OSBPL8: variants seen among roughly 807,000 people sequenced by gnomAD.
OSBPL8 encodes oxysterol binding protein like 8, also known as oxysterol-binding protein-related protein 8.
OSBPL8 carries 59 observed loss-of-function variants against 125.5 expected under a neutral mutation model. The ratio of observed to expected loss-of-function variants is 0.47; its 90% CI spans 0.38 to 0.58. The LOEUF (loss-of-function observed/expected upper bound fraction) is 0.58, where lower values mean the gene tolerates loss of function less well. Among genes scored for constraint, OSBPL8 ranks in the 20% least tolerant of loss-of-function variants. OSBPL8 has a pLI of 0.00. For synonymous variants in OSBPL8, 330 were observed against 338.9 expected (o/e 0.97, Z 0.29); for missense variants, 758 against 1,047.8 (o/e 0.72, Z 3.82).
Position 76,487,520 on chromosome 12 carries a change from T to A in OSBPL8, c.32A>T (p.Asp11Val), listed in dbSNP as rs1219581813. MEGGLADGEPDRTSLLGDSKD... is the reference protein window; with the variant it reads MEGGLADGEPVRTSLLGDSKD... The stretch of plus-strand genomic sequence containing the variant: ...ATATGAACTACTCACCGAAGTTCGA[T>A]CAGGTTCTCCATCTGCCAAACCTCC... Residue 11 changes from aspartate (D) to valine (V), a missense_variant, in exon 2 of 24, where the codon GAT (aspartate) becomes GTT (valine). Coordinates refer to ENST00000261183, the MANE Select transcript of OSBPL8 (RefSeq NM_020841.5). 6 of 1,605,114 alleles carry A rather than the reference T, an allele frequency of 3.7e-6. No homozygotes were observed. The highest frequency in any genetic ancestry group is 5.1e-6 in the Non-Finnish European group (6 of 1,176,404).
At chr12:76,424,621 T>C (rs1365534871) in intron 4 of OSBPL8, among the ~76,000 whole-genome samples, 2 of 152,204 alleles carry the variant, frequency 1.3e-5, no homozygotes, top group Non-Finnish European at 2.9e-5. Flanking sequence ...GTTTTATCTT[T>C]CCTAGAAATA....
At chr12:76,474,232 C>A (rs560088967) in intron 2 of OSBPL8, among the ~76,000 whole-genome samples, 2 of 151,842 alleles carry the variant, frequency 1.3e-5, no homozygotes, top group African/African-American at 4.8e-5. Context: ...AACGTCCAAC[C>A]AAATCTCCAC....
chr12:76,400,136 G>A (rs555005259), intron 6 of OSBPL8, among the ~76,000 whole-genome samples, 162 bp from the exon 7 acceptor site: 1 of 152,220 alleles, frequency 6.6e-6, no homozygotes, highest in Admixed American at 6.5e-5. Flanking sequence ...GTACCCATTA[G>A]TTACTTTTCC....
chr12:76,555,678 T>C (rs552478283), intron 1 of OSBPL8, among the ~76,000 whole-genome samples: 3 of 152,274 alleles, frequency 2.0e-5, no homozygotes, highest in African/African-American at 7.2e-5. Context: ...ATTTTACAAA[T>C]GAGAAAACTA....
At chr12:76,396,698 G>A (rs1260081693) in intron 8 of OSBPL8, among the ~76,000 whole-genome samples, 4 of 152,120 alleles carry the variant, frequency 2.6e-5, no homozygotes, top group African/African-American at 9.7e-5. Flanking sequence ...AGGCTGCAGT[G>A]AGCAATGATC....
intron 1 of OSBPL8, among the ~76,000 whole-genome samples, chr12:76,504,789 TTC>T (rs1880251409): frequency 6.6e-6 from 1 of 152,194 alleles, no homozygotes; most frequent in East Asian, 1.9e-4. Flanking sequence ...CCAGCTACTG[TTC>T]CAGAGGTCAC....
chr12:76,500,886 T>G (rs997783978), intron 1 of OSBPL8, among the ~76,000 whole-genome samples: 1 of 152,198 alleles, frequency 6.6e-6, no homozygotes, highest in South Asian at 2.1e-4. Flanking sequence ...CCTCACAAAG[T>G]CTGGCAAAGT....
At chr12:76,485,892 C>T (rs1878076744) in intron 2 of OSBPL8, 3 of 272,246 alleles carry the variant, frequency 1.1e-5, no homozygotes, top group South Asian at 7.3e-5. Flanking sequence ...CACTAGAAGA[C>T]CAAAAGTATT....
chr12:76,474,496 G>C (rs370419608), intron 2 of OSBPL8, among the ~76,000 whole-genome samples: 69 of 151,756 alleles, frequency 4.5e-4, no homozygotes, highest in African/African-American at 1.5e-3. Context: ...AATCTTTTTG[G>C]GGGGAGGCAG....
intron 18 of OSBPL8, 104 bp from the exon 19 acceptor site, chr12:76,371,688 G>T: frequency 9.5e-7 from 1 of 1,056,970 alleles, no homozygotes; most frequent in Non-Finnish European, 1.2e-6. Context: ...TAATCCTCCA[G>T]TTAAAAGCAT....
At chr12:76,442,308 T>C (rs1021920160) in intron 4 of OSBPL8, among the ~76,000 whole-genome samples, 1 of 152,162 alleles carries the variant, frequency 6.6e-6, no homozygotes, top group Non-Finnish European at 1.5e-5. Flanking sequence ...ACCATAACAT[T>C]TTATAAGAGA....
At chr12:76,501,623 T>A (rs1879909539) in intron 1 of OSBPL8, among the ~76,000 whole-genome samples, 1 of 152,216 alleles carries the variant, frequency 6.6e-6, no homozygotes, top group Admixed American at 6.5e-5. Context: ...AGTGGGCTCA[T>A]GAACAAAGTA....
chr12:76,512,712 T>A (rs1881126074), intron 1 of OSBPL8, among the ~76,000 whole-genome samples: 1 of 152,202 alleles, frequency 6.6e-6, no homozygotes, highest in Non-Finnish European at 1.5e-5. Context: ...TTTTTTCTAG[T>A]TCTGTGAAGA....
intron 21 of OSBPL8, among the ~76,000 whole-genome samples, chr12:76,368,094 G>A (rs1952486929): frequency 6.6e-6 from 1 of 151,872 alleles, no homozygotes; most frequent in African/African-American, 2.4e-5. Context: ...TTTTTTGTAG[G>A]GCAGGTCTAG....
chr12:76,410,241 AT>A (rs531050908), intron 5 of OSBPL8, among the ~76,000 whole-genome samples: 11 of 150,554 alleles, frequency 7.3e-5, no homozygotes, highest in Admixed American at 1.3e-4. Flanking sequence ...AACACTTAAG[AT>A]TTTTTTTTTA....
chr12:76,551,913 C>A (rs940654159), intron 1 of OSBPL8, among the ~76,000 whole-genome samples: 4 of 152,172 alleles, frequency 2.6e-5, no homozygotes, highest in African/African-American at 9.7e-5. Flanking sequence ...ATATTACAAT[C>A]CATTGTGGGT....
intron 1 of OSBPL8, among the ~76,000 whole-genome samples, chr12:76,542,520 C>A (rs1034290532): frequency 6.6e-6 from 1 of 152,202 alleles, no homozygotes; most frequent in Non-Finnish European, 1.5e-5. Context: ...ACACCCACCC[C>A]CAAAGTGTCT....
intron 21 of OSBPL8, among the ~76,000 whole-genome samples, chr12:76,365,870 C>G (rs1397118651): frequency 2.0e-5 from 3 of 152,074 alleles, no homozygotes; most frequent in Non-Finnish European, 4.4e-5. Flanking sequence ...GATTTTCCCC[C>G]CTCTTAATGT....
chr12:76,537,358 A>G (rs968401995), intron 1 of OSBPL8, among the ~76,000 whole-genome samples: 2 of 152,248 alleles, frequency 1.3e-5, no homozygotes, highest in Non-Finnish European at 2.9e-5. Flanking sequence ...CTGTTTTTAC[A>G]TTTATACATT....
Sources: allele counts gnomAD v4.1 joint callset (sites outside exome capture counted in the v4.1 genomes callset), GRCh38; gene constraint gnomAD v4.1.1; transcripts MANE v1.5; gene names NCBI Gene and HGNC (gene_info 2026-07-23, HGNC 2026-07-21).